The following TBCD variants were observed in gnomAD, a reference collection of about 807,000 sequenced individuals.
TBCD encodes tubulin folding cofactor D, also known as tubulin-specific chaperone D.
A neutral mutation model predicts 169.3 loss-of-function variants in TBCD; 105 were observed. The observed-to-expected ratio is 0.62, with a 90% CI of 0.53 to 0.73. The LOEUF is 0.73. TBCD is among the 30% of genes least tolerant of loss of function. TBCD has a pLI of 0.00. For missense variants in TBCD, 1,444 were observed against 1,600.1 expected (o/e 0.90, Z 1.66); for synonymous variants, 700 against 643.9 (o/e 1.09, Z -1.32).
rs1375634529 is a variant in TBCD, at chr17:82,893,645, T to C, written c.1649+13T>C. ...TCCTGGTTATAAGGTAAGTCTTTAA[T>C]GTATATCACAAAAATAGAATACTCT... On this transcript the variant is annotated intron_variant, in intron 17 of 38. Transcript: ENST00000355528. The C allele has an allele frequency of 2.6e-6, 4 of 1,562,080 alleles. No individual in the cohort carries two copies. In the African/African-American group the frequency reaches 4.1e-5, roughly 16 times the overall value.
intron 2 of TBCD, 120 bp downstream of exon 2, chr17:82,756,335 C>CAAA: frequency 9.5e-7 from 1 of 1,058,144 alleles, no homozygotes; most frequent in South Asian, 1.4e-5. Flanking sequence ...GTGTCCCTGT[C>CAAA]TTGCTTGCCT....
chr17:82,940,218 C>CGT (rs1191540618), intron 37 of TBCD, among the ~76,000 whole-genome samples: 24 of 128,900 alleles, frequency 1.9e-4, no homozygotes, highest in African/African-American at 7.8e-4. Flanking sequence ...CACTTGCACG[C>CGT]GCGCACACAC....
At chr17:82,854,295 C>A (rs2056067091) in intron 13 of TBCD, among the ~76,000 whole-genome samples, 1 of 152,184 alleles carries the variant, frequency 6.6e-6, no homozygotes, top group Admixed American at 6.5e-5. Context: ...TTCAGCACCC[C>A]AAGGGGAAAA....
chr17:82,766,610 A>C (rs1316368498), intron 4 of TBCD, among the ~76,000 whole-genome samples: 1 of 152,174 alleles, frequency 6.6e-6, no homozygotes, highest in Non-Finnish European at 1.5e-5. Context: ...GTGTAGTTTA[A>C]CAATAAATCC....
At chr17:82,875,569 G>A (rs894877672) in intron 14 of TBCD, among the ~76,000 whole-genome samples, 11 of 152,190 alleles carry the variant, frequency 7.2e-5, no homozygotes, top group Non-Finnish European at 1.5e-4. Flanking sequence ...TCTGACTTTC[G>A]GCCTCCACCT....
At chr17:82,763,899 C>A in intron 2 of TBCD, 66 bp from the exon 3 acceptor site, 1 of 1,394,284 alleles carries the variant, frequency 7.2e-7, no homozygotes, top group Non-Finnish European at 1.0e-6. Flanking sequence ...GCCACCACAC[C>A]TGGCCGGCCT....
intron 13 of TBCD, among the ~76,000 whole-genome samples, chr17:82,851,107 G>C (rs1189782529): frequency 2.6e-5 from 4 of 152,128 alleles, no homozygotes; most frequent in Non-Finnish European, 4.4e-5. Context: ...CAAGTCTCGA[G>C]ACATTTCAGA....
intron 17 of TBCD, among the ~76,000 whole-genome samples, chr17:82,897,186 A>G (rs1001520478): frequency 2.6e-5 from 4 of 151,882 alleles, no homozygotes; most frequent in African/African-American, 9.7e-5. Flanking sequence ...TTTCCCTTTC[A>G]GTATCCTGTA....
chr17:82,899,265 G>A lies in TBCD; in HGVS notation c.1650-1386G>A, dbSNP rs574690099. ...CTCAGCGCACGTGTCCTCAGCGTGC[G>A]TGTCCTCAGCGCGTGTGTCCTCAGT... On this transcript the variant is annotated intron_variant, in intron 17 of 38. Coordinates refer to ENST00000355528, the MANE Select transcript of TBCD (RefSeq NM_005993.5). Among the ~76,000 whole-genome samples the A allele has an allele frequency of 6.8e-5, 10 of 147,334 alleles. No individual in the cohort carries two copies. In the East Asian group the frequency reaches 1.4e-3, roughly 21 times the overall value.
chr17:82,825,503 T>C (rs766458668), intron 13 of TBCD, among the ~76,000 whole-genome samples: 1 of 152,198 alleles, frequency 6.6e-6, no homozygotes, highest in Admixed American at 6.5e-5. Context: ...GTGTTTATGG[T>C]TCTGCGTCTG....
chr17:82,867,577 G>A (rs975048544), intron 13 of TBCD, among the ~76,000 whole-genome samples: 8 of 152,238 alleles, frequency 5.3e-5, no homozygotes, highest in African/African-American at 1.9e-4. Flanking sequence ...AGTGCGAGAA[G>A]GCTCAGAGTG....
At chr17:82,809,846 T>G in intron 12 of TBCD, 64 bp downstream of exon 12, 1 of 1,473,654 alleles carries the variant, frequency 6.8e-7, no homozygotes, top group Non-Finnish European at 9.4e-7. Flanking sequence ...CTGGCTTTCC[T>G]TATATCCTTT....
In TBCD at chr17:82,884,110, A is replaced by G; in HGVS notation, c.1476-35A>G. 6.3e-7 allele frequency: 1 copy of G among 1,576,238 alleles called. No homozygotes were observed. The highest frequency in any genetic ancestry group is 8.6e-7 in the Non-Finnish European group (1 of 1,158,404). Reference sequence around the variant, plus strand: ...TGTGTGGTCTGTACTGTTTTGCAGAATTTCTTTTTAATTAATCCTTTCTCT... The same window carrying G: ...TGTGTGGTCTGTACTGTTTTGCAGAGTTTCTTTTTAATTAATCCTTTCTCT... On this transcript the variant is annotated intron_variant, in intron 14 of 38. Transcript: ENST00000355528. This position sits in a 1 kb window ranked among gnomAD's most constrained non-coding sequence, Gnocchi z 4.2.
rs12450046 is a variant in TBCD at position 82,832,512 on chromosome 17, G to A, written c.1318+17578G>A. ...AGGTGGCGTGATCACTGTCGACGCCGCGTGCACTTCGTGGTTTCTAAAGAG... is the reference window on the plus strand; with the variant it reads ...AGGTGGCGTGATCACTGTCGACGCCACGTGCACTTCGTGGTTTCTAAAGAG... On this transcript the variant is annotated intron_variant, in intron 13 of 38. Coordinates refer to ENST00000355528, the MANE Select transcript of TBCD (RefSeq NM_005993.5). The surrounding 1 kb of genome is among the most constrained non-coding windows in gnomAD (Gnocchi z 4.9). 251,616 of 1,487,512 alleles carry A rather than the reference G, an allele frequency of 0.17. 22,965 individuals carry two copies. Among genetic ancestry groups the A allele is most frequent in the Admixed American group, 0.27 (15,977 of 59,138 alleles). The allele number at this position is 1,487,512 out of a possible 1,614,324, so 92.1% of individuals were successfully genotyped here.
intron 37 of TBCD, among the ~76,000 whole-genome samples, chr17:82,940,172 T>C (rs192913603): frequency 5.9e-4 from 90 of 151,466 alleles, no homozygotes; most frequent in African/African-American, 1.5e-3. Context: ...CTTACACATA[T>C]GGGCATGGGC....
At chr17:82,905,402 G>A (rs1376270576) in intron 19 of TBCD, among the ~76,000 whole-genome samples, 1 of 152,252 alleles carries the variant, frequency 6.6e-6, no homozygotes, top group African/African-American at 2.4e-5. Flanking sequence ...CATCACCACG[G>A]GTGCCGTCCT....
chr17:82,821,313 T>TGAGA (rs1389786047), intron 13 of TBCD, among the ~76,000 whole-genome samples: 2 of 152,264 alleles, frequency 1.3e-5, no homozygotes, highest in Non-Finnish European at 2.9e-5. Flanking sequence ...CTTTAGTTCT[T>TGAGA]TGTCCACAGT....
At chr17:82,799,112 C>G (rs1301322222) in intron 8 of TBCD, among the ~76,000 whole-genome samples, 2 of 152,166 alleles carry the variant, frequency 1.3e-5, no homozygotes, top group Non-Finnish European at 2.9e-5. Context: ...GGTTTACCAT[C>G]TGGAAAAAGA....
chr17:82,939,230 G>A lies in TBCD; in HGVS notation c.3370-137G>A, dbSNP rs561330950. On this transcript the variant is annotated intron_variant, in intron 36 of 38. Coordinates refer to ENST00000355528, the MANE Select transcript of TBCD (RefSeq NM_005993.5). ...TCCTCTTGGTTGCAGCCCTGCTGTG[G>A]CTGGGATGGGATGCAGGGTCAGCGT... The A allele has an allele frequency of 8.4e-6, 6 of 717,268 alleles. No homozygotes were observed. In the East Asian group the frequency reaches 1.6e-4, roughly 19 times the overall value. The allele number at this position is 717,268 out of a possible 1,614,324, so 44.4% of individuals were successfully genotyped here. A position where few individuals can be genotyped will look rare whatever the true frequency, so the allele number is the denominator to read the frequency against.
Sources: gnomAD v4.1 joint callset for allele counts (sites outside exome capture counted in the v4.1 genomes callset) on GRCh38, gnomAD v4.1.1 for gene constraint, Gnocchi (gnomAD v3.1) non-coding constraint, MANE v1.5 for transcripts, NCBI Gene and HGNC (gene_info 2026-07-23, HGNC 2026-07-21) for gene names.